NPAS3: variants seen among roughly 807,000 people sequenced by gnomAD.
NPAS3 encodes neuronal PAS domain protein 3, also known as neuronal PAS domain-containing protein 3.
NPAS3 carries 14 observed loss-of-function variants against 73.1 expected under a neutral mutation model. The observed-to-expected ratio is 0.19, with a 90% confidence interval of 0.13 to 0.30. The LOEUF is 0.30. NPAS3 is among the 10% of genes least tolerant of loss of function. The pLI, the probability that NPAS3 is intolerant of heterozygous loss-of-function variation, is 1.00. For missense variants in NPAS3, 1,096 were observed against 1,250.0 expected (o/e 0.88, Z 1.86); for synonymous variants, 620 against 541.5 (o/e 1.14, Z -2.01).
intron 4 of NPAS3, among the ~76,000 whole-genome samples, chr14:33,522,844 G>A (rs1054870630): frequency 5.3e-5 from 8 of 152,124 alleles, no homozygotes; most frequent in Admixed American, 1.3e-4. Flanking sequence ...TGCTTGCGGT[G>A]TGGAGAAAAT....
chr14:33,770,983 G>C (rs2062632624), intron 7 of NPAS3, among the ~76,000 whole-genome samples: 1 of 152,138 alleles, frequency 6.6e-6, no homozygotes, highest in South Asian at 2.1e-4. Context: ...TACTAACCTG[G>C]AAACAAAGCA....
At chr14:33,505,715 G>A (rs933415716) in intron 4 of NPAS3, among the ~76,000 whole-genome samples, 10 of 151,922 alleles carry the variant, frequency 6.6e-5, no homozygotes, top group South Asian at 4.1e-4. Flanking sequence ...AAATTATTTC[G>A]TATCACCATC....
chr14:33,426,619 T>C (rs2048566211), intron 4 of NPAS3, among the ~76,000 whole-genome samples: 1 of 151,796 alleles, frequency 6.6e-6, no homozygotes, highest in South Asian at 2.1e-4. Context: ...AAGGGAGAGA[T>C]TGAAGTGATG....
chr14:33,726,745 G>C (rs765489041), intron 6 of NPAS3, among the ~76,000 whole-genome samples: 3 of 152,116 alleles, frequency 2.0e-5, no homozygotes, highest in Non-Finnish European at 4.4e-5. Flanking sequence ...ACTGAACAAA[G>C]AAAAAGTGAG....
intron 3 of NPAS3, among the ~76,000 whole-genome samples, chr14:33,302,822 C>G (rs1000051363): frequency 1.3e-5 from 2 of 151,908 alleles, no homozygotes; most frequent in Non-Finnish European, 2.9e-5. Flanking sequence ...TTTCCCATTT[C>G]ATATTTCCAC....
chr14:33,012,808 C>T (rs1406130848), intron 1 of NPAS3, among the ~76,000 whole-genome samples: 2 of 152,140 alleles, frequency 1.3e-5, no homozygotes, highest in Non-Finnish European at 2.9e-5. Context: ...CTTCTGCCTC[C>T]CAAAGTGCTA....
intron 3 of NPAS3, among the ~76,000 whole-genome samples, chr14:33,363,105 G>C (rs771531667): frequency 6.6e-6 from 1 of 152,108 alleles, no homozygotes; most frequent in Non-Finnish European, 1.5e-5. Flanking sequence ...TTTTGTAATG[G>C]GTTCTTCCAT....
At chr14:33,519,039 C>G (rs73267036) in intron 4 of NPAS3, among the ~76,000 whole-genome samples, 2,628 of 152,248 alleles carry the variant, frequency 0.017, 58 homozygotes, top group African/African-American at 0.055. Context: ...ACCTATACCA[C>G]TCTTGTACCT....
At chr14:33,258,004 G>C (rs2048839135) in intron 3 of NPAS3, among the ~76,000 whole-genome samples, 1 of 152,152 alleles carries the variant, frequency 6.6e-6, no homozygotes, top group South Asian at 2.1e-4. Flanking sequence ...AGAAATATGA[G>C]GCTTATTTTG....
At chr14:33,727,773 T>C (rs907199404) in intron 6 of NPAS3, among the ~76,000 whole-genome samples, 10 of 152,146 alleles carry the variant, frequency 6.6e-5, no homozygotes, top group African/African-American at 1.4e-4. Context: ...ATATGCAATA[T>C]TGGCAACGGA....
chr14:33,462,640 G>A (rs1055644634), intron 4 of NPAS3, among the ~76,000 whole-genome samples: 3 of 152,172 alleles, frequency 2.0e-5, no homozygotes, highest in African/African-American at 7.2e-5. Flanking sequence ...GGGATCATTT[G>A]TTACTCCAGC....
rs542507918 is a variant in NPAS3 at position 33,610,985 on chromosome 14, G to A, written c.558+50775G>A. On this transcript the variant is annotated intron_variant, in intron 5 of 11. Transcript: ENST00000356141. ...TCATCCACTGTGCTCTTGAAACAGA[G>A]TGAGATGTATGCAAGAAACGTTTTA... The A allele has an allele frequency of 2.6e-5, 4 of 152,304 alleles. No homozygotes were observed. The South Asian group carries it at 8.3e-4, about 32-fold the overall frequency. 9.4% of individuals were successfully genotyped at this position (152,304 alleles called of 1,614,324 possible). A position where few individuals can be genotyped will look rare whatever the true frequency, so the allele number is the denominator to read the frequency against.
chr14:33,292,370 TC>T (rs2042134935), intron 3 of NPAS3, among the ~76,000 whole-genome samples: 2 of 152,186 alleles, frequency 1.3e-5, no homozygotes, highest in Non-Finnish European at 2.9e-5. Context: ...CTCGACGTTT[TC>T]TGAGAATCCT....
At chr14:33,169,506 T>A (rs1169305184) in intron 2 of NPAS3, among the ~76,000 whole-genome samples, 2 of 152,178 alleles carry the variant, frequency 1.3e-5, no homozygotes, top group Admixed American at 1.3e-4. Context: ...AGGCGGAGGT[T>A]GCAGTGAGCC....
At chr14:33,012,842 G>A (rs1257662873) in intron 1 of NPAS3, among the ~76,000 whole-genome samples, 1 of 152,142 alleles carries the variant, frequency 6.6e-6, no homozygotes, top group Non-Finnish European at 1.5e-5. Flanking sequence ...GAGCCACAGC[G>A]CCCGGCCCAA....
chr14:33,446,466 C>T (rs141576185), intron 4 of NPAS3, among the ~76,000 whole-genome samples: 2,166 of 152,204 alleles, frequency 0.014, 18 homozygotes, highest in Non-Finnish European at 0.021. Flanking sequence ...TGAGCCACCG[C>T]GCCCGGCCAC....
chr14:33,332,035 G>A (rs1212547166), intron 3 of NPAS3, among the ~76,000 whole-genome samples: 1 of 152,108 alleles, frequency 6.6e-6, no homozygotes, highest in African/African-American at 2.4e-5. Context: ...AAATTTTTTA[G>A]CCTACGTTTT....
At chr14:33,683,543 T>C (rs955201612) in intron 6 of NPAS3, among the ~76,000 whole-genome samples, 4 of 151,636 alleles carry the variant, frequency 2.6e-5, no homozygotes, top group Non-Finnish European at 4.4e-5. Flanking sequence ...TTGCTTTTAA[T>C]ACATTCCACT....
intron 2 of NPAS3, among the ~76,000 whole-genome samples, chr14:33,174,110 A>G (rs1364444598): frequency 1.3e-5 from 2 of 152,200 alleles, no homozygotes; most frequent in African/African-American, 4.8e-5. Flanking sequence ...AAATTTTACA[A>G]CTAATTGATT....
Sources: gnomAD v4.1 joint callset for allele counts (sites outside exome capture counted in the v4.1 genomes callset) on GRCh38, gnomAD v4.1.1 for gene constraint, MANE v1.5 for transcripts, NCBI Gene and HGNC (gene_info 2026-07-23, HGNC 2026-07-21) for gene names.